The following RIT2 variants were observed in gnomAD, a reference collection of about 807,000 sequenced individuals.
The protein encoded by RIT2 is Ras like without CAAX 2, also known as GTP-binding protein Rit2.
Under a neutral mutation model 23.7 loss-of-function variants are expected in RIT2, and 24 were observed. That is an observed-to-expected ratio of 1.01 (90% confidence interval 0.73 to 1.43). The LOEUF is 1.43. Ranked by LOEUF, RIT2 falls within the 40% of genes most tolerant of loss-of-function variation. The pLI is 0.00. For missense variants in RIT2, 236 were observed against 266.9 expected (o/e 0.88, Z 0.81); for synonymous variants, 107 against 91.1 (o/e 1.17, Z -0.99).
intron 4 of RIT2, among the ~76,000 whole-genome samples, chr18:42,804,486 C>T (rs1261250765): frequency 7.2e-6 from 1 of 138,234 alleles, no homozygotes; most frequent in Non-Finnish European, 1.5e-5. Context: ...ACCCAGGAGG[C>T]GGAGATTGCA....
At chr18:42,836,708 G>A (rs1906613260) in intron 4 of RIT2, among the ~76,000 whole-genome samples, 1 of 152,176 alleles carries the variant, frequency 6.6e-6, no homozygotes, top group Non-Finnish European at 1.5e-5. Flanking sequence ...GCTGAGTAAA[G>A]TAATGTTCAC....
At chr18:42,967,660 G>A (rs112754263) in intron 3 of RIT2, among the ~76,000 whole-genome samples, 4,793 of 149,394 alleles carry the variant, frequency 0.032, 249 homozygotes, top group African/African-American at 0.11. Flanking sequence ...CAAAGTACTG[G>A]GATTACAGGC....
chr18:43,106,801 G>A (rs982054950), intron 1 of RIT2, among the ~76,000 whole-genome samples: 3 of 152,170 alleles, frequency 2.0e-5, no homozygotes, highest in African/African-American at 7.2e-5. Context: ...AATTATAGTA[G>A]GCAGAAAGGG....
intron 3 of RIT2, among the ~76,000 whole-genome samples, chr18:42,931,169 A>G (rs1482736287): frequency 6.6e-6 from 1 of 152,122 alleles, no homozygotes; most frequent in Non-Finnish European, 1.5e-5. Flanking sequence ...AGATAATTAT[A>G]TTATCACTTG....
Position 42,885,447 on chromosome 18 carries a change from G to A in RIT2, c.426+38125C>T, listed in dbSNP as rs754669887. 6.6e-5 allele frequency among the ~76,000 whole-genome samples: 10 copies of A among 152,046 alleles called. No homozygotes were observed. In the South Asian group the frequency reaches 8.3e-4, roughly 13 times the overall value. ...AAAAATACAAAAAAATTAGCCAGGC[G>A]TGGTGGCGGGCGCCTGTAGTCCCAG... On this transcript the variant is annotated intron_variant, in intron 4 of 4. Coordinates refer to ENST00000326695, the MANE Select transcript of RIT2 (RefSeq NM_002930.4).
intron 4 of RIT2, among the ~76,000 whole-genome samples, chr18:42,890,586 G>A (rs926382769): frequency 6.6e-6 from 1 of 151,434 alleles, no homozygotes; most frequent in Non-Finnish European, 1.5e-5. Context: ...AGAGAGAGAA[G>A]GAGAAGCAGG....
intron 4 of RIT2, among the ~76,000 whole-genome samples, chr18:42,777,337 G>A (rs901387502): frequency 7.3e-5 from 11 of 151,696 alleles, no homozygotes; most frequent in African/African-American, 2.4e-4. Flanking sequence ...ATAAATTTGG[G>A]ATTCAACAGC....
intron 4 of RIT2, among the ~76,000 whole-genome samples, chr18:42,828,684 G>T (rs142727901): frequency 2.6e-5 from 4 of 152,292 alleles, no homozygotes; most frequent in African/African-American, 9.6e-5. Context: ...TCCAGGGAAA[G>T]AAATATGGAA....
At chr18:42,956,117 G>T (rs1370189231) in intron 3 of RIT2, among the ~76,000 whole-genome samples, 1 of 152,148 alleles carries the variant, frequency 6.6e-6, no homozygotes, top group Non-Finnish European at 1.5e-5. Context: ...TAAAGAGTGA[G>T]TCACTGGAGG....
intron 4 of RIT2, among the ~76,000 whole-genome samples, chr18:42,841,315 C>T (rs1447982650): frequency 1.3e-5 from 2 of 152,188 alleles, no homozygotes; most frequent in Non-Finnish European, 2.9e-5. Context: ...AGCAGCTTTT[C>T]ATCCATAAAG....
chr18:43,021,049 G>A (rs1911583564), intron 2 of RIT2, among the ~76,000 whole-genome samples: 1 of 152,058 alleles, frequency 6.6e-6, no homozygotes, highest in Non-Finnish European at 1.5e-5. Flanking sequence ...ACACAGCAAA[G>A]GAAACAGTCA....
chr18:42,863,343 A>T (rs1907380621), intron 4 of RIT2, among the ~76,000 whole-genome samples: 1 of 152,126 alleles, frequency 6.6e-6, no homozygotes, highest in African/African-American at 2.4e-5. Flanking sequence ...TCGAAAGGAC[A>T]CTTTGAAAAA....
intron 2 of RIT2, among the ~76,000 whole-genome samples, chr18:43,012,236 T>C (rs576054003): frequency 2.6e-5 from 4 of 152,002 alleles, no homozygotes; most frequent in Non-Finnish European, 5.9e-5. Context: ...CTATTTGTTT[T>C]AAGTTTACTG....
chr18:42,991,238 G>T (rs1012541993), intron 2 of RIT2, among the ~76,000 whole-genome samples: 2 of 152,110 alleles, frequency 1.3e-5, no homozygotes, highest in Admixed American at 6.6e-5. Context: ...TGTATCCAAT[G>T]AAAATGTTGA....
chr18:42,764,439 C>T (rs888194259), intron 4 of RIT2, among the ~76,000 whole-genome samples: 1 of 152,190 alleles, frequency 6.6e-6, no homozygotes, highest in African/African-American at 2.4e-5. Context: ...CTTCCATATG[C>T]TATACCCTAG....
intron 4 of RIT2, among the ~76,000 whole-genome samples, chr18:42,895,075 T>C (rs1168802933): frequency 1.3e-5 from 2 of 152,214 alleles, no homozygotes; most frequent in Non-Finnish European, 2.9e-5. Flanking sequence ...CTGCAGATAG[T>C]TTTATGATAA....
chr18:42,974,937 A>G (rs1044461569), intron 2 of RIT2, among the ~76,000 whole-genome samples: 6 of 152,124 alleles, frequency 3.9e-5, no homozygotes, highest in African/African-American at 1.4e-4. Flanking sequence ...ACATTTATGG[A>G]CTGAAAGATT....
At chr18:42,767,257 T>C (rs1038527052) in intron 4 of RIT2, among the ~76,000 whole-genome samples, 15 of 152,174 alleles carry the variant, frequency 9.9e-5, no homozygotes, top group Admixed American at 4.6e-4. Flanking sequence ...GGCTGTAACC[T>C]GAAAAGCCAC....
At chr18:42,956,162 T>A (rs1909966049) in intron 3 of RIT2, among the ~76,000 whole-genome samples, 1 of 152,134 alleles carries the variant, frequency 6.6e-6, no homozygotes, top group Admixed American at 6.6e-5. Context: ...AGTTTTGAAG[T>A]GATTCTTAAC....
Sources: allele counts gnomAD v4.1 joint callset (sites outside exome capture counted in the v4.1 genomes callset), GRCh38; gene constraint gnomAD v4.1.1; transcripts MANE v1.5; gene names NCBI Gene and HGNC (gene_info 2026-07-23, HGNC 2026-07-21).